Variants in ATXN7 observed in about 807,000 individuals in gnomAD.
ATXN7 encodes ataxin 7.
A neutral mutation model predicts 70.5 loss-of-function variants in ATXN7; 12 were observed. The observed-to-expected ratio is 0.17, with a 90% confidence interval of 0.11 to 0.28. The LOEUF is 0.28. ATXN7 is among the 10% of genes least tolerant of loss of function. The probability of loss-of-function intolerance (pLI) is 1.00; values close to 1 mark genes in which losing one functional copy is unlikely to be tolerated. For missense variants in ATXN7, 1,256 were observed against 1,131.7 expected (o/e 1.11, Z -1.58); for synonymous variants, 498 against 448.7 (o/e 1.11, Z -1.39).
chr3:63,996,510 G>T, intron 12 of ATXN7, 27 bp downstream of exon 12: 1 of 1,605,618 alleles, frequency 6.2e-7, no homozygotes, highest in Non-Finnish European at 8.5e-7. Context: ...GAGCCCCATG[G>T]GAATGCCCAT....
intron 8 of ATXN7, among the ~76,000 whole-genome samples, chr3:63,986,769 G>A (rs1035204571): frequency 1.2e-4 from 19 of 152,160 alleles, no homozygotes; most frequent in Admixed American, 6.5e-5. Flanking sequence ...AGTGTGTCTC[G>A]TAAGGAGGTG....
At chr3:63,871,532 G>C (rs58473894) in intron 1 of ATXN7, among the ~76,000 whole-genome samples, 28,626 of 152,126 alleles carry the variant, frequency 0.19, 2,804 homozygotes, top group Middle Eastern at 0.25. Context: ...TTGCTCACCT[G>C]TCCTTTTTTT....
chr3:63,935,090 G>A (rs1275109160), intron 4 of ATXN7, among the ~76,000 whole-genome samples: 1 of 152,180 alleles, frequency 6.6e-6, no homozygotes, highest in African/African-American at 2.4e-5. Flanking sequence ...AGTGTTTACT[G>A]CATAGTAGGT....
Position 63,981,009 on chromosome 3 carries a change from C to T in ATXN7, c.752+842C>T, listed in dbSNP as rs928146456. 2.6e-5 allele frequency among the ~76,000 whole-genome samples: 4 copies of T among 152,288 alleles called. No individual in the cohort carries two copies. The South Asian group carries it at 6.2e-4, about 24-fold the overall frequency. On this transcript the variant is annotated intron_variant, in intron 6 of 12. Transcript: ENST00000674280. The stretch of plus-strand genomic sequence containing the variant: ...CACGCACTCCAATAGGAACATGCTT[C>T]GCCTTGTCATGGCATCCCTCAGCCT...
intron 9 of ATXN7, among the ~76,000 whole-genome samples, chr3:63,989,060 A>G (rs2075623513): frequency 6.6e-6 from 1 of 152,176 alleles, no homozygotes. Flanking sequence ...ATTGCTTACC[A>G]TTTCACCCTC....
chr3:63,946,464 C>T (rs1262481279), intron 4 of ATXN7, among the ~76,000 whole-genome samples: 1 of 151,990 alleles, frequency 6.6e-6, no homozygotes, highest in Admixed American at 6.6e-5. Flanking sequence ...ACAGTGAAAC[C>T]CGTTCTCTAC....
intron 4 of ATXN7, among the ~76,000 whole-genome samples, chr3:63,924,512 G>A (rs1234895792): frequency 6.6e-6 from 1 of 152,154 alleles, no homozygotes; most frequent in African/African-American, 2.4e-5. Context: ...GTGAGGTGGT[G>A]GGTGGGCGAG....
At chr3:63,996,696 T>C in intron 12 of ATXN7, 1 of 604,274 alleles carries the variant, frequency 1.7e-6, no homozygotes, top group Non-Finnish European at 2.8e-6. Flanking sequence ...TTCTGGTGCC[T>C]TTGGAAGATG....
In ATXN7 at chr3:63,912,825, C is replaced by T. The variant is rs1453407274; in HGVS notation, c.227C>T (p.Ala76Val). Residue 76 changes from alanine (A) to valine (V), a missense_variant, in exon 3 of 13, where the codon GCG becomes GTG. Coordinates refer to ENST00000674280, the MANE Select transcript of ATXN7 (RefSeq NM_001377405.1). ...GCCTCCACCTCGGCCGCCGCAATGG[C>T]GACGGTCGGGGAGCGCAGGCCTCTG... is the stretch of plus-strand genomic sequence containing the variant. The part of the protein sequence containing the change: ...GAASTSAAAM[A>V]TVGERRPLPS... The T allele has an allele frequency of 3.2e-6, 5 of 1,580,744 alleles. No individual in the cohort carries two copies. The highest frequency in any genetic ancestry group is 3.4e-6 in the Non-Finnish European group (4 of 1,165,852).
chr3:63,975,479 C>T (rs1269915557), intron 5 of ATXN7, among the ~76,000 whole-genome samples: 4 of 152,056 alleles, frequency 2.6e-5, no homozygotes, highest in South Asian at 2.1e-4. Context: ...AGATTATTTT[C>T]GAGTATGAAT....
In ATXN7 at chr3:63,954,709, T is replaced by TG. The variant is rs1380613754; in HGVS notation, c.499+2226_499+2227insG. 3.7e-3 allele frequency among the ~76,000 whole-genome samples: 535 copies of TG among 145,240 alleles called. 1 individual carries two copies. The highest frequency in any genetic ancestry group is 0.013 in the African/African-American group (497 of 37,464). On this transcript the variant is annotated intron_variant, in intron 5 of 12. Coordinates refer to ENST00000674280, the MANE Select transcript of ATXN7 (RefSeq NM_001377405.1). ...CGGGTAGGAAAAAGTGTTTTTTTTT[T>TG]TGTTTTTTTTTTTTTTTGAGACGGA...
At chr3:63,960,617 A>G (rs898299065) in intron 5 of ATXN7, among the ~76,000 whole-genome samples, 2 of 152,178 alleles carry the variant, frequency 1.3e-5, no homozygotes, top group African/African-American at 4.8e-5. Context: ...TTGCTGATGG[A>G]CTGGGAAAGG....
intron 5 of ATXN7, chr3:63,967,761 C>T: frequency 6.9e-7 from 1 of 1,451,698 alleles, no homozygotes; most frequent in Non-Finnish European, 9.1e-7. Context: ...GTTGATCTGC[C>T]AGGACCTTTG....
intron 2 of ATXN7, chr3:63,905,871 T>G (rs943371832): frequency 2.0e-5 from 3 of 152,168 alleles, no homozygotes; most frequent in Non-Finnish European, 1.5e-5. Context: ...ATTAAATTGG[T>G]GAAAATAAAT....
At chr3:63,929,678 T>G (rs1203089323) in intron 4 of ATXN7, among the ~76,000 whole-genome samples, 1 of 152,160 alleles carries the variant, frequency 6.6e-6, no homozygotes, top group Admixed American at 6.5e-5. Context: ...CTCATTCTTT[T>G]TTCCCCATCT....
At position 63,990,982 on chromosome 3, in the gene ATXN7, A is replaced by T. The variant is rs879187440; in HGVS notation, c.1682+123A>T. The T allele has an allele frequency of 2.1e-5, 30 of 1,423,328 alleles. No individual in the cohort carries two copies. In the South Asian group the frequency reaches 3.0e-4, roughly 14 times the overall value. 88.2% of individuals were successfully genotyped at this position (1,423,328 alleles called of 1,614,324 possible). A position where few individuals can be genotyped will look rare whatever the true frequency, so the allele number is the denominator to read the frequency against. On this transcript the variant is annotated intron_variant, in intron 11 of 12. Transcript: ENST00000674280. ...TAAACAAAACTGGCCTTTGGCCCTG[A>T]GAAGAAGGTGCCTTGTCATTCATTC... is the stretch of plus-strand genomic sequence containing the variant.
At chr3:63,897,286 A>G (rs760834722) in intron 1 of ATXN7, among the ~76,000 whole-genome samples, 83 of 152,200 alleles carry the variant, frequency 5.5e-4, no homozygotes, top group African/African-American at 7.0e-4. Context: ...CTGAAGAGAA[A>G]CATCTGGTTT....
intron 4 of ATXN7, among the ~76,000 whole-genome samples, chr3:63,918,869 C>T (rs1417215673): frequency 6.6e-6 from 1 of 152,176 alleles, no homozygotes; most frequent in African/African-American, 2.4e-5. Context: ...ATGTAAGGAG[C>T]AGTCAGGTGA....
chr3:63,948,250 A>G (rs1365029826), intron 4 of ATXN7, among the ~76,000 whole-genome samples: 1 of 152,138 alleles, frequency 6.6e-6, no homozygotes, highest in Non-Finnish European at 1.5e-5. Context: ...GTTGAGGGAC[A>G]AGAGAGTTGG....
Sources: gnomAD v4.1 joint callset for allele counts (sites outside exome capture counted in the v4.1 genomes callset) on GRCh38, gnomAD v4.1.1 for gene constraint, MANE v1.5 for transcripts, NCBI Gene and HGNC (gene_info 2026-07-23, HGNC 2026-07-21) for gene names.